NLK: variants seen among roughly 807,000 people sequenced by gnomAD.
NLK encodes the protein nemo like kinase.
In NLK, 11 loss-of-function variants were observed where a neutral mutation model predicts 59.0. The ratio of observed to expected loss-of-function variants is 0.19; its 90% CI spans 0.12 to 0.31. The LOEUF is 0.31. NLK is among the 10% of genes least tolerant of loss of function. NLK has a pLI of 1.00. For missense variants in NLK, 410 were observed against 661.1 expected (o/e 0.62, Z 4.16); for synonymous variants, 235 against 235.9 (o/e 1.00, Z 0.03).
chr17:28,174,786 T>C (rs1908606809), intron 7 of NLK, among the ~76,000 whole-genome samples: 1 of 152,190 alleles, frequency 6.6e-6, no homozygotes, highest in African/African-American at 2.4e-5. Flanking sequence ...CTTGAAGCTC[T>C]TTACTTAAGC....
At chr17:28,175,584 C>G (rs1178934802) in intron 7 of NLK, among the ~76,000 whole-genome samples, 3 of 152,120 alleles carry the variant, frequency 2.0e-5, no homozygotes, top group Admixed American at 6.5e-5. Flanking sequence ...TAGTACCTCC[C>G]TTTGTGACTT....
intron 3 of NLK, among the ~76,000 whole-genome samples, chr17:28,135,560 G>A (rs1906709388): frequency 6.6e-6 from 1 of 152,230 alleles, no homozygotes; most frequent in Non-Finnish European, 1.5e-5. Flanking sequence ...TGGCCCAGAG[G>A]TTATTTCCTA....
intron 2 of NLK, among the ~76,000 whole-genome samples, chr17:28,130,211 T>C (rs1416347768): frequency 6.6e-6 from 1 of 152,192 alleles, no homozygotes; most frequent in African/African-American, 2.4e-5. Flanking sequence ...TTATAGAGAA[T>C]CTCTAGCTAT....
chr17:28,184,904 C>T (rs531661515), intron 7 of NLK, among the ~76,000 whole-genome samples: 4 of 152,156 alleles, frequency 2.6e-5, no homozygotes, highest in African/African-American at 7.2e-5. Flanking sequence ...ACCAAGATGG[C>T]GCCACTGCAC....
At chr17:28,053,444 T>C (rs1191501905) in intron 1 of NLK, among the ~76,000 whole-genome samples, 1 of 152,230 alleles carries the variant, frequency 6.6e-6, no homozygotes, top group African/African-American at 2.4e-5. Flanking sequence ...ATCGTTGCCA[T>C]GTTTGCTTTC....
rs553861787 is a variant in NLK, at chr17:28,152,251, T to A, written c.645-8909T>A. On this transcript the variant is annotated intron_variant, in intron 3 of 10. Transcript: ENST00000407008. ...TTCCATTTTCTCCTTTCTTTGAAAA[T>A]GTAGTCACTGTTAGAATAAAGCATA... Among the ~76,000 whole-genome samples the A allele has an allele frequency of 9.8e-5, 15 of 152,348 alleles. No homozygotes were observed. In the South Asian group the frequency reaches 2.7e-3, roughly 27 times the overall value.
At chr17:28,191,706 C>G (rs1379185535) in intron 9 of NLK, among the ~76,000 whole-genome samples, 1 of 152,154 alleles carries the variant, frequency 6.6e-6, no homozygotes, top group Non-Finnish European at 1.5e-5. Flanking sequence ...TACTGTAGGA[C>G]ATTTTACAAG....
At chr17:28,110,839 G>A (rs556750834) in intron 1 of NLK, among the ~76,000 whole-genome samples, 2 of 151,088 alleles carry the variant, frequency 1.3e-5, no homozygotes. Context: ...TCTTTTTTTT[G>A]TTTGTTTGTT....
intron 1 of NLK, among the ~76,000 whole-genome samples, chr17:28,085,410 G>A (rs561481277): frequency 5.8e-4 from 88 of 152,286 alleles, no homozygotes; most frequent in Non-Finnish European, 9.1e-4. Context: ...TTCAGTCAAT[G>A]ACGGACCACA....
intron 1 of NLK, among the ~76,000 whole-genome samples, chr17:28,099,519 A>T (rs1488591696): frequency 5.6e-5 from 8 of 144,054 alleles, no homozygotes; most frequent in African/African-American, 2.1e-4. Context: ...GTAGACATTT[A>T]TATTTTCAAA....
rs908740188 is a variant in NLK at position 28,159,072 on chromosome 17, G to A, written c.645-2088G>A. Among the ~76,000 whole-genome samples the A allele has an allele frequency of 5.3e-5, 8 of 152,296 alleles. No individual in the cohort carries two copies. The East Asian group carries it at 5.8e-4, about 11-fold the overall frequency. On this transcript the variant is annotated intron_variant, in intron 3 of 10. Coordinates refer to ENST00000407008, the MANE Select transcript of NLK (RefSeq NM_016231.5). ...AAATTTGAGCAAAACCACAAAGGACGTGAAAGAGTTAACCAAATAGATGTC... is the reference window on the plus strand; with the variant it reads ...AAATTTGAGCAAAACCACAAAGGACATGAAAGAGTTAACCAAATAGATGTC...
In NLK at chr17:28,172,572, C is replaced by T; in HGVS notation, c.1103C>T (p.Ala368Val). The T allele has an allele frequency of 6.3e-7, 1 of 1,597,380 alleles. No individual in the cohort carries two copies. The highest frequency in any genetic ancestry group is 8.5e-7 in the Non-Finnish European group (1 of 1,172,672). Residue 368 changes from alanine to valine, a missense_variant, in exon 7 of 11, where the codon GCT becomes GTT. Coordinates refer to ENST00000407008, the MANE Select transcript of NLK (RefSeq NM_016231.5). ...GTPSLEAMRTACEGAKAHILR... is the reference protein window; with the variant it reads ...GTPSLEAMRTVCEGAKAHILR... ...CCATCACTGGAAGCAATGAGGACAG[C>T]TTGTGAAGGCGCTAAGGCACATATA...
At chr17:28,163,217 A>T (rs915847500) in intron 4 of NLK, among the ~76,000 whole-genome samples, 1 of 152,230 alleles carries the variant, frequency 6.6e-6, no homozygotes, top group East Asian at 1.9e-4. Context: ...CAATAGCAGC[A>T]GTCCAATAGC....
At chr17:28,052,159 T>TA (rs1909280080) in intron 1 of NLK, among the ~76,000 whole-genome samples, 1 of 152,238 alleles carries the variant, frequency 6.6e-6, no homozygotes, top group African/African-American at 2.4e-5. Context: ...ATTTTCCTGA[T>TA]AATATTTACC....
chr17:28,063,320 A>C (rs1909727952), intron 1 of NLK, among the ~76,000 whole-genome samples: 1 of 152,176 alleles, frequency 6.6e-6, no homozygotes, highest in Non-Finnish European at 1.5e-5. Context: ...CTTAACCTCA[A>C]ATAAACACTG....
chr17:28,129,429 G>A (rs2142019436), intron 2 of NLK, among the ~76,000 whole-genome samples: 1 of 152,240 alleles, frequency 6.6e-6, no homozygotes, highest in East Asian at 1.9e-4. Context: ...CTCCAGCCTG[G>A]GAGACAGAGC....
rs534935693 is a variant in NLK, at chr17:28,132,311, C to T, written c.589-309C>T. On this transcript the variant is annotated intron_variant, in intron 2 of 10. Coordinates refer to ENST00000407008, the MANE Select transcript of NLK (RefSeq NM_016231.5). ...AATGAATGATAGATGTGGCTTCTCA[C>T]GCTCTTAGAGTAACATTGATTGTTT... Among the ~76,000 whole-genome samples the T allele has an allele frequency of 3.9e-5, 6 of 152,326 alleles. No individual in the cohort carries two copies. The South Asian group carries it at 1.2e-3, about 32-fold the overall frequency.
chr17:28,111,756 T>C (rs1281641770), intron 1 of NLK, among the ~76,000 whole-genome samples: 7 of 152,172 alleles, frequency 4.6e-5, no homozygotes, highest in African/African-American at 1.7e-4. Context: ...TTTTTTTTAA[T>C]TTTTAGCCTA....
At chr17:28,051,077 C>CT (rs1302420934) in intron 1 of NLK, among the ~76,000 whole-genome samples, 3 of 136,342 alleles carry the variant, frequency 2.2e-5, no homozygotes, top group Non-Finnish European at 4.6e-5. Context: ...CAGAACCTGT[C>CT]TCAAAAAAAA....
Sources: gnomAD v4.1 joint callset for allele counts (sites outside exome capture counted in the v4.1 genomes callset) on GRCh38, gnomAD v4.1.1 for gene constraint, MANE v1.5 for transcripts, NCBI Gene and HGNC (gene_info 2026-07-23, HGNC 2026-07-21) for gene names.